The following FSTL4 variants were observed in gnomAD, a reference collection of about 807,000 sequenced individuals.
FSTL4 encodes follistatin like 4.
In FSTL4, 28 loss-of-function variants were observed where a neutral mutation model predicts 78.2. That is an observed-to-expected ratio of 0.36 (90% CI 0.27 to 0.49). FSTL4 has a LOEUF of 0.49. FSTL4 is among the 20% of genes least tolerant of loss of function. The probability of loss-of-function intolerance (pLI) is 0.98; values close to 1 mark genes in which losing one functional copy is unlikely to be tolerated. For synonymous variants in FSTL4, 422 were observed against 440.5 expected (o/e 0.96, Z 0.53); for missense variants, 922 against 1,084.9 (o/e 0.85, Z 2.11).
intron 3 of FSTL4, among the ~76,000 whole-genome samples, chr5:133,438,692 G>A (rs1056141328): frequency 6.6e-6 from 1 of 152,144 alleles, no homozygotes; most frequent in Non-Finnish European, 1.5e-5. Context: ...TTCATCATCC[G>A]GATTGCCCTG....
At chr5:133,691,937 T>C in the FSTL4 span, among the ~76,000 whole-genome samples, 2 of 152,272 alleles carry the variant, frequency 1.3e-5, no homozygotes, top group East Asian at 3.9e-4. Flanking sequence ...ACCTATTATA[T>C]ACAAATTAAT....
chr5:133,270,714 C>T (rs1195362652), intron 6 of FSTL4, among the ~76,000 whole-genome samples: 1 of 152,174 alleles, frequency 6.6e-6, no homozygotes, highest in Non-Finnish European at 1.5e-5. Flanking sequence ...CTGACTCTTG[C>T]ATTTCAGATG....
intron 12 of FSTL4, among the ~76,000 whole-genome samples, chr5:133,219,542 C>A (rs957394944): frequency 2.0e-5 from 3 of 152,188 alleles, no homozygotes; most frequent in African/African-American, 7.2e-5. Flanking sequence ...AGAGGCCTGA[C>A]GTGGGATGCC....
intron 4 of FSTL4, among the ~76,000 whole-genome samples, chr5:133,334,922 G>T (rs1754430430): frequency 1.3e-5 from 2 of 152,144 alleles, no homozygotes; most frequent in African/African-American, 4.8e-5. Context: ...CTTAGGAGAA[G>T]AATACAAGGC....
chr5:133,210,343 C>T lies in FSTL4; in HGVS notation c.1609-45G>A, dbSNP rs756813228. On this transcript the variant is annotated intron_variant, in intron 13 of 15. Coordinates refer to ENST00000265342, the MANE Select transcript of FSTL4 (RefSeq NM_015082.2). The stretch of plus-strand genomic sequence containing the variant: ...ATGTTGTGAAAGCTGACATGATGGT[C>T]ATTTCTGGGCGTTGTATGCATGGGC... 2.3e-5 allele frequency: 26 copies of T among 1,134,544 alleles called. No homozygotes were observed. The East Asian group carries it at 6.1e-4, about 27-fold the overall frequency. 70.3% of individuals were successfully genotyped at this position (1,134,544 alleles called of 1,614,324 possible). A position where few individuals can be genotyped will look rare whatever the true frequency, so the allele number is the denominator to read the frequency against.
chr5:133,240,323 A>G (rs188335849), intron 7 of FSTL4, among the ~76,000 whole-genome samples: 132 of 152,360 alleles, frequency 8.7e-4, no homozygotes, highest in African/African-American at 3.1e-3. Flanking sequence ...GCCATCCTGC[A>G]AAGACCTGAG....
the FSTL4 span, among the ~76,000 whole-genome samples, chr5:133,722,957 G>A: frequency 5.3e-5 from 8 of 152,314 alleles, no homozygotes; most frequent in East Asian, 9.6e-4. Context: ...GGTCAAAGGC[G>A]TTAGTGATCC....
At chr5:133,560,646 G>A (rs901799166) in intron 3 of FSTL4, among the ~76,000 whole-genome samples, 1 of 152,022 alleles carries the variant, frequency 6.6e-6, no homozygotes, top group African/African-American at 2.4e-5. Flanking sequence ...TTACAGGCGT[G>A]AGCCACCGTG....
At chr5:133,215,711 A>G (rs184304470) in intron 13 of FSTL4, among the ~76,000 whole-genome samples, 15 of 152,338 alleles carry the variant, frequency 9.8e-5, no homozygotes, top group Admixed American at 2.0e-4. Flanking sequence ...AATTGAAACC[A>G]GCACTCCTTC....
chr5:133,733,726 CATTT>C, the FSTL4 span, among the ~76,000 whole-genome samples: 3 of 152,190 alleles, frequency 2.0e-5, no homozygotes, highest in African/African-American at 7.2e-5. Flanking sequence ...ACACAACAAA[CATTT>C]ATTAGCTCAT....
chr5:133,522,378 T>C (rs1758998603), intron 3 of FSTL4, among the ~76,000 whole-genome samples: 1 of 152,236 alleles, frequency 6.6e-6, no homozygotes, highest in South Asian at 2.1e-4. Flanking sequence ...CCCTAGAAGA[T>C]AGTAATTACC....
At chr5:133,659,492 A>G in the FSTL4 span, among the ~76,000 whole-genome samples, 1 of 150,870 alleles carries the variant, frequency 6.6e-6, no homozygotes, top group Non-Finnish European at 1.5e-5. Context: ...TTTTATCTTG[A>G]TTGCTTGGTT....
At chr5:133,449,148 C>T (rs116303779) in intron 3 of FSTL4, among the ~76,000 whole-genome samples, 24 of 152,326 alleles carry the variant, frequency 1.6e-4, no homozygotes, top group African/African-American at 5.3e-4. Context: ...ATCCGCCCCA[C>T]GTGCCCCTGT....
chr5:133,695,152 T>C, the FSTL4 span, among the ~76,000 whole-genome samples: 1 of 152,162 alleles, frequency 6.6e-6, no homozygotes, highest in Non-Finnish European at 1.5e-5. Context: ...TGCAACCCTC[T>C]TTATTAGCCA....
intron 3 of FSTL4, among the ~76,000 whole-genome samples, chr5:133,474,228 T>C (rs1019657740): frequency 6.6e-6 from 1 of 151,900 alleles, no homozygotes; most frequent in Non-Finnish European, 1.5e-5. Context: ...ATTCACACAA[T>C]CCCTCCATGC....
chr5:133,732,834 G>A, the FSTL4 span, among the ~76,000 whole-genome samples: 1 of 152,198 alleles, frequency 6.6e-6, no homozygotes, highest in South Asian at 2.1e-4. Context: ...CCTGATGAAG[G>A]GGCCACCTGA....
chr5:133,772,769 C>A, the FSTL4 span, among the ~76,000 whole-genome samples: 1 of 152,148 alleles, frequency 6.6e-6, no homozygotes, highest in African/African-American at 2.4e-5. Flanking sequence ...AGGGCAGAAT[C>A]CTCATGACCT....
At chr5:133,704,281 T>C in the FSTL4 span, among the ~76,000 whole-genome samples, 3 of 152,210 alleles carry the variant, frequency 2.0e-5, no homozygotes. Context: ...TCTAAGAAAT[T>C]GTTTTAACAA....
At chr5:133,499,369 TACACACACACACACACACACAC>T (rs57363602) in intron 3 of FSTL4, among the ~76,000 whole-genome samples, 2 of 126,694 alleles carry the variant, frequency 1.6e-5, no homozygotes, top group African/African-American at 5.8e-5. Context: ...ACAAGGGGAA[TACACACACACACACACACACAC>T]ACACACACAC....
Sources: gnomAD v4.1 joint callset for allele counts (sites outside exome capture counted in the v4.1 genomes callset) on GRCh38, gnomAD v4.1.1 for gene constraint, MANE v1.5 for transcripts, NCBI Gene and HGNC (gene_info 2026-07-23, HGNC 2026-07-21) for gene names.